The following TACC2 variants were observed in gnomAD, a reference collection of about 807,000 sequenced individuals.
TACC2 encodes transforming acidic coiled-coil-containing protein 2.
TACC2 carries 137 observed loss-of-function variants against 227.3 expected under a neutral mutation model. The observed-to-expected ratio is 0.60, with a 90% CI of 0.52 to 0.69. TACC2 has a LOEUF of 0.69. TACC2 is among the 30% of genes least tolerant of loss of function. The pLI is 0.00. For synonymous variants in TACC2, 1,523 were observed against 1,487.5 expected (o/e 1.02, Z -0.55); for missense variants, 3,470 against 3,694.4 (o/e 0.94, Z 1.57).
intron 7 of TACC2, among the ~76,000 whole-genome samples, chr10:122,156,036 A>C (rs1315920241): frequency 1.3e-5 from 2 of 151,076 alleles, no homozygotes; most frequent in Non-Finnish European, 2.9e-5. Context: ...ACGAGGTTTC[A>C]CCGTGTTAGC....
At chr10:122,028,673 G>C (rs532183799) in intron 2 of TACC2, among the ~76,000 whole-genome samples, 1 of 151,880 alleles carries the variant, frequency 6.6e-6, no homozygotes, top group Non-Finnish European at 1.5e-5. Context: ...TTTGCAAATA[G>C]GGGCTGTTTT....
At chr10:122,234,987 G>A (rs1027673853) in intron 16 of TACC2, among the ~76,000 whole-genome samples, 1 of 152,066 alleles carries the variant, frequency 6.6e-6, no homozygotes, top group Admixed American at 6.6e-5. Flanking sequence ...GGTGACTAAT[G>A]TTGTTTTCAT....
In TACC2 at chr10:122,085,712, C is replaced by T. The variant is rs767703999; in HGVS notation, c.3212C>T (p.Thr1071Ile). ...PALAPASPGV[T>I]PTQDAPETEA... The stretch of plus-strand genomic sequence containing the variant: ...CTGGCGCCCGCCAGCCCCGGAGTCA[C>T]ACCCACCCAGGATGCCCCAGAGACA... The change falls in exon 4 of 23, where the codon ACA (threonine) becomes ATA (isoleucine). Residue 1071 changes from threonine to isoleucine, a missense_variant. By Grantham distance (89) the Thr-to-Ile change is moderately conservative. Around this residue, in one of 10 missense-constraint regions of TACC2, gnomAD observed 1,924 missense variants for 1,978.3 expected, o/e 0.97. Transcript: ENST00000369005. 8 of 1,613,826 alleles carry T rather than the reference C, an allele frequency of 5.0e-6. No homozygotes were observed. Among genetic ancestry groups the T allele is most frequent in the African/African-American group, 1.3e-5 (1 of 75,062 alleles).
intron 2 of TACC2, among the ~76,000 whole-genome samples, chr10:122,024,948 T>A (rs1333249270): frequency 1.3e-5 from 2 of 152,172 alleles, no homozygotes; most frequent in Non-Finnish European, 2.9e-5. Flanking sequence ...AGTTGCTGGG[T>A]TGTATGATAG....
intron 7 of TACC2, among the ~76,000 whole-genome samples, chr10:122,149,188 C>A (rs2091762176): frequency 6.6e-6 from 1 of 152,254 alleles, no homozygotes; most frequent in Non-Finnish European, 1.5e-5. Context: ...TGGACATGAG[C>A]TGAGTGGGTG....
intron 16 of TACC2, among the ~76,000 whole-genome samples, chr10:122,236,570 G>A (rs1274112540): frequency 1.9e-5 from 2 of 107,688 alleles, no homozygotes; most frequent in Admixed American, 1.0e-4. Flanking sequence ...TGTGCAAAGG[G>A]AAAAAGAATA....
At chr10:122,046,599 G>A (rs754312382) in intron 2 of TACC2, among the ~76,000 whole-genome samples, 9 of 152,134 alleles carry the variant, frequency 5.9e-5, no homozygotes, top group Non-Finnish European at 1.3e-4. Flanking sequence ...CCTTGTTATA[G>A]TCCATCTGCC....
chr10:122,100,156 C>T (rs148180061), intron 5 of TACC2, among the ~76,000 whole-genome samples: 2,102 of 151,264 alleles, frequency 0.014, 58 homozygotes, highest in African/African-American at 0.049. Flanking sequence ...CCCTGCTGCT[C>T]GGGAGGCTGA....
rs564250254 is a variant in TACC2, at chr10:121,999,360, G to GAAA, written c.-46+9875_-46+9877dup. On this transcript the variant is annotated intron_variant, in intron 1 of 22. Transcript: ENST00000369005. ...CTTTGTATTCACTTTTGGTCATTCA[G>GAAA]AAAAACCATTCCTCTGAATATCCTT... Among the ~76,000 whole-genome samples the GAAA allele has an allele frequency of 3.0e-4, 46 of 152,342 alleles. 2 individuals carry two copies. The South Asian group carries it at 8.9e-3, about 30-fold the overall frequency.
chr10:122,190,062 T>G (rs1244809632), intron 7 of TACC2, among the ~76,000 whole-genome samples: 1 of 152,232 alleles, frequency 6.6e-6, no homozygotes, highest in Admixed American at 6.5e-5. Context: ...GGGAACCATA[T>G]CTATAGTACC....
chr10:122,082,018 T>C (rs145054868), intron 3 of TACC2, among the ~76,000 whole-genome samples: 1 of 152,344 alleles, frequency 6.6e-6, no homozygotes, highest in Non-Finnish European at 1.5e-5. Context: ...TTTACTCTTA[T>C]TAACAACTTT....
At chr10:122,204,187 G>C (rs1243372958) in intron 8 of TACC2, among the ~76,000 whole-genome samples, 1 of 142,388 alleles carries the variant, frequency 7.0e-6, no homozygotes, top group Non-Finnish European at 1.5e-5. Flanking sequence ...GAGGGAGAGG[G>C]GGAGGGGGAG....
chr10:122,072,838 G>A (rs1048973971), intron 3 of TACC2, among the ~76,000 whole-genome samples: 4 of 152,014 alleles, frequency 2.6e-5, no homozygotes, highest in South Asian at 2.1e-4. Context: ...AATGAGGGCC[G>A]GGCGTGGCGG....
intron 8 of TACC2, 77 bp downstream of exon 8, chr10:122,195,253 TG>T: frequency 7.4e-7 from 1 of 1,352,210 alleles, no homozygotes; most frequent in Non-Finnish European, 1.0e-6. Context: ...CAGTTCCTCC[TG>T]GGTCAGGCTG....
chr10:122,147,436 C>T (rs1288416910), intron 7 of TACC2, among the ~76,000 whole-genome samples: 6 of 152,162 alleles, frequency 3.9e-5, no homozygotes, highest in Non-Finnish European at 5.9e-5. Context: ...TGAGCCACTG[C>T]GCCCCGCCAA....
At position 122,227,672 on chromosome 10, in the gene TACC2, G is replaced by A. The variant is rs74978863; in HGVS notation, c.7725-165G>A. Among the ~76,000 whole-genome samples, 1,715 of 152,280 alleles carry A rather than the reference G, an allele frequency of 0.011. 116 individuals are homozygous for A. In the East Asian group the frequency reaches 0.21, roughly 18 times the overall value. ...GCCCCTCCCTTGTCACTTGGTCCTG[G>A]GGTGACTGCCCAGCCTAGAGGCTGC... On this transcript the variant is annotated intron_variant, in intron 13 of 22. Coordinates refer to ENST00000369005, the MANE Select transcript of TACC2 (RefSeq NM_206862.4).
intron 5 of TACC2, among the ~76,000 whole-genome samples, chr10:122,123,441 G>A (rs10887082): frequency 2.6e-5 from 4 of 152,006 alleles, no homozygotes; most frequent in African/African-American, 9.7e-5. Flanking sequence ...AAAGCACAAT[G>A]TGCTTACCCC....
At chr10:122,158,294 G>A (rs4752663) in intron 7 of TACC2, among the ~76,000 whole-genome samples, 1 of 151,982 alleles carries the variant, frequency 6.6e-6, no homozygotes, top group African/African-American at 2.4e-5. Flanking sequence ...GAGGCTGAGG[G>A]AGGAGAATTG....
At chr10:122,117,824 A>T (rs1321433353) in intron 5 of TACC2, among the ~76,000 whole-genome samples, 2 of 152,090 alleles carry the variant, frequency 1.3e-5, no homozygotes, top group African/African-American at 4.8e-5. Context: ...CCAGTGGGGC[A>T]CATTCTAAAT....
Sources: allele counts gnomAD v4.1 joint callset (sites outside exome capture counted in the v4.1 genomes callset), GRCh38; gene constraint gnomAD v4.1.1; regional missense constraint gnomAD v4.1.1; transcripts MANE v1.5; gene names NCBI Gene and HGNC (gene_info 2026-07-23, HGNC 2026-07-21).